CCT4: variants seen among roughly 807,000 people sequenced by gnomAD.
CCT4 encodes chaperonin containing TCP1 subunit 4.
In CCT4, 17 loss-of-function variants were observed where a neutral mutation model predicts 62.5. That is an observed-to-expected ratio of 0.27 (90% CI 0.19 to 0.41). CCT4 has a LOEUF of 0.41. CCT4 is among the 10% of genes least tolerant of loss of function. The pLI is 1.00. For synonymous variants in CCT4, 250 were observed against 229.9 expected (o/e 1.09, Z -0.79); for missense variants, 592 against 659.2 (o/e 0.90, Z 1.12).
rs200632367 is a variant in CCT4 at position 61,883,472 on chromosome 2, G to A, written c.257C>T (p.Pro86Leu). Reference protein sequence around the residue: ...TILKQMQVLHPAARMLVELSK... With the variant: ...TILKQMQVLHLAARMLVELSK... ...AATTACACTTACCATTCTGGCTGCT[G>A]GATGTAATACTTGCATTTGTTTCAG... Residue 86 changes from proline to leucine, a missense_variant, in exon 3 of 14, where the codon CCA (proline) becomes CTA (leucine). Around this residue, in one of 3 missense-constraint regions of CCT4, gnomAD observed 522 missense variants for 571.2 expected, o/e 0.91. Transcript: ENST00000394440. 1 of 1,545,934 alleles carries A rather than the reference G, an allele frequency of 6.5e-7. No homozygotes were observed. The highest frequency in any genetic ancestry group is 1.4e-5 in the African/African-American group (1 of 73,110).
intron 8 of CCT4, among the ~76,000 whole-genome samples, chr2:61,873,768 G>C (rs532512660): frequency 1.1e-4 from 16 of 152,262 alleles, no homozygotes; most frequent in African/African-American, 3.9e-4. Context: ...GTTTCACCAT[G>C]TTGGCCACGC....
intron 4 of CCT4, 110 bp downstream of exon 4, chr2:61,880,176 T>G: frequency 1.9e-6 from 1 of 514,072 alleles, no homozygotes; most frequent in Non-Finnish European, 3.4e-6. Flanking sequence ...AAAAGATTAG[T>G]TATTCCAAAT....
chr2:61,888,588 A>G lies in CCT4; in HGVS notation c.-81T>C, dbSNP rs1042442511. On this transcript the variant is annotated 5_prime_UTR_variant, in exon 1 of 14. Coordinates refer to ENST00000394440, the MANE Select transcript of CCT4 (RefSeq NM_006430.4). ...GGCCGGCCGCAGTGTAATAACGGTA[A>G]GCCCTCACTGCCTTCACGAACCTTC... The G allele has an allele frequency of 1.5e-5, 23 of 1,501,914 alleles. No homozygotes were observed. Among genetic ancestry groups the G allele is most frequent in the Non-Finnish European group, 1.7e-5 (19 of 1,113,952 alleles). The allele number at this position is 1,501,914 out of a possible 1,614,324, so 93.0% of individuals were successfully genotyped here. A position where few individuals can be genotyped will look rare whatever the true frequency, so the allele number is the denominator to read the frequency against.
In CCT4 at chr2:61,869,561, T is replaced by A. The variant is rs775076371; in HGVS notation, c.1492-8A>T. 6.6e-7 allele frequency: 1 copy of A among 1,507,314 alleles called. No homozygotes were observed. Among genetic ancestry groups the A allele is most frequent in the Non-Finnish European group, 9.2e-7 (1 of 1,082,776 alleles). 93.4% of individuals were successfully genotyped at this position (1,507,314 alleles called of 1,614,324 possible). ...AATGTTGGAAATACCACCCTGCAAA[T>A]CAAATCAGCACAAGTTGCTTTTAGT... On this transcript the variant is annotated splice_region_variant and splice_polypyrimidine_tract_variant and intron_variant, in intron 12 of 13. Transcript: ENST00000394440.
rs1279890632 is a variant in CCT4 at position 61,872,976 on chromosome 2, T to C, written c.1125+26A>G. On this transcript the variant is annotated intron_variant, in intron 10 of 13. Transcript: ENST00000394440. ...AACCCCATACCCAAACCTAAGCAAA[T>C]AAAAATTTAAGTGTAATACTGTTAC... 8.4e-6 allele frequency: 11 copies of C among 1,315,264 alleles called. No individual in the cohort carries two copies. In the East Asian group the frequency reaches 2.3e-4, roughly 27 times the overall value. The allele number at this position is 1,315,264 out of a possible 1,614,324, so 81.5% of individuals were successfully genotyped here.
At chr2:61,879,047 C>T (rs768492379) in intron 4 of CCT4, 36 bp from the exon 5 acceptor site, 2 of 1,507,672 alleles carry the variant, frequency 1.3e-6, no homozygotes. Flanking sequence ...TTAATTGTAA[C>T]AGGTAAACTA....
intron 12 of CCT4, among the ~76,000 whole-genome samples, chr2:61,870,252 G>C (rs1668855849): frequency 6.6e-6 from 1 of 151,882 alleles, no homozygotes; most frequent in Non-Finnish European, 1.5e-5. Context: ...TCCAGCCTGG[G>C]TAACAGAGTG....
At chr2:61,884,041 A>G (rs919762727) in intron 2 of CCT4, among the ~76,000 whole-genome samples, 1 of 152,096 alleles carries the variant, frequency 6.6e-6, no homozygotes, top group Non-Finnish European at 1.5e-5. Flanking sequence ...AATAATCTAT[A>G]GTATCATCCA....
chr2:61,880,308 A>C lies in CCT4; in HGVS notation c.357T>G (p.Ser119=). Residue 119 remains serine, a synonymous_variant, in exon 4 of 14, where the codon TCT becomes TCG. Transcript: ENST00000394440. Reference sequence around the variant, plus strand: ...CACCTTTCTGAAGAAGCTTGGTACAAGAATCTAAGAGGGAGCCAGCAATGA... The same window carrying C: ...CACCTTTCTGAAGAAGCTTGGTACACGAATCTAAGAGGGAGCCAGCAATGA... ...VVIIAGSLLD[S]CTKLLQKGIH... is the part of the protein sequence containing the mutation. 1 of 1,592,088 alleles carries C rather than the reference A, an allele frequency of 6.3e-7. No homozygotes were observed. The highest frequency in any genetic ancestry group is 8.6e-7 in the Non-Finnish European group (1 of 1,169,414).
At chr2:61,879,563 T>C (rs977618645) in intron 4 of CCT4, among the ~76,000 whole-genome samples, 32 of 150,886 alleles carry the variant, frequency 2.1e-4, no homozygotes, top group African/African-American at 7.1e-4. Context: ...CAAGTATGAG[T>C]CACCGCACCT....
At chr2:61,870,979 G>GA (rs70946766) in intron 12 of CCT4, among the ~76,000 whole-genome samples, 13 of 148,812 alleles carry the variant, frequency 8.7e-5, no homozygotes, top group African/African-American at 2.5e-4. Flanking sequence ...CTACGGGAAG[G>GA]AAAAAAAAAA....
intron 2 of CCT4, among the ~76,000 whole-genome samples, chr2:61,884,537 T>C (rs944019989): frequency 4.0e-5 from 6 of 151,714 alleles, no homozygotes; most frequent in East Asian, 1.9e-4. Flanking sequence ...TCTTGAACTC[T>C]TGACCTTGTG....
At chr2:61,883,416 CA>C (rs57068738) in intron 3 of CCT4, 42 bp downstream of exon 3, 179,859 of 704,680 alleles carry the variant, frequency 0.26, 4,458 homozygotes, top group African/African-American at 0.28. Flanking sequence ...GACTCTGTCT[CA>C]AAAAAAAAAA....
intron 12 of CCT4, among the ~76,000 whole-genome samples, chr2:61,870,262 G>A (rs968207043): frequency 6.6e-6 from 1 of 151,948 alleles, no homozygotes; most frequent in Non-Finnish European, 1.5e-5. Context: ...GTAACAGAGT[G>A]AGACTCTGTC....
intron 8 of CCT4, among the ~76,000 whole-genome samples, chr2:61,875,125 G>C (rs906811656): frequency 1.7e-5 from 2 of 116,964 alleles, no homozygotes; most frequent in African/African-American, 3.4e-5. Flanking sequence ...TGGGCAACAA[G>C]AGCGAAACTC....
chr2:61,872,041 A>T (rs1228841385), intron 12 of CCT4, 41 bp downstream of exon 12: 1 of 1,351,746 alleles, frequency 7.4e-7, no homozygotes, highest in Non-Finnish European at 1.0e-6. Flanking sequence ...TTAATATTTT[A>T]AATTAATCAA....
At position 61,869,562 on chromosome 2, in the gene CCT4, C is replaced by A; in HGVS notation, c.1492-9G>T. The A allele has an allele frequency of 6.7e-7, 1 of 1,486,490 alleles. No homozygotes were observed. Among genetic ancestry groups the A allele is most frequent in the South Asian group, 1.1e-5 (1 of 88,494 alleles). 92.1% of individuals were successfully genotyped at this position (1,486,490 alleles called of 1,614,324 possible). A position where few individuals can be genotyped will look rare whatever the true frequency, so the allele number is the denominator to read the frequency against. ...ATGTTGGAAATACCACCCTGCAAAT[C>A]AAATCAGCACAAGTTGCTTTTAGTG... On this transcript the variant is annotated splice_polypyrimidine_tract_variant and intron_variant, in intron 12 of 13. Transcript: ENST00000394440.
chr2:61,872,782 C>T lies in CCT4; in HGVS notation c.1126-194G>A, dbSNP rs1292515230. Among the ~76,000 whole-genome samples the T allele has an allele frequency of 2.0e-5, 3 of 152,154 alleles. No individual in the cohort carries two copies. The East Asian group carries it at 5.8e-4, about 29-fold the overall frequency. On this transcript the variant is annotated intron_variant, in intron 10 of 13. Coordinates refer to ENST00000394440, the MANE Select transcript of CCT4 (RefSeq NM_006430.4). ...CTCTACTAAAAATACAAAAAATTAG[C>T]AGGGCGTGGTGGCAGGCGCCTGTAG...
intron 8 of CCT4, 144 bp downstream of exon 8, chr2:61,875,951 C>T (rs1668988547): frequency 2.0e-6 from 1 of 505,280 alleles, no homozygotes; most frequent in South Asian, 4.5e-5. Flanking sequence ...AAAAATTCTC[C>T]ATTTCGTTTC....
Sources: gnomAD v4.1 joint callset for allele counts (sites outside exome capture counted in the v4.1 genomes callset) on GRCh38, gnomAD v4.1.1 for gene constraint, gnomAD v4.1.1 regional missense constraint, MANE v1.5 for transcripts, NCBI Gene and HGNC (gene_info 2026-07-23, HGNC 2026-07-21) for gene names.